Variants in DLEU7 observed in about 807,000 individuals in gnomAD.
The protein encoded by DLEU7 is deleted in lymphocytic leukemia 7, also known as leukemia-associated protein 7.
In DLEU7, 17 loss-of-function variants were observed where a neutral mutation model predicts 16.0. The ratio of observed to expected loss-of-function variants is 1.06; its 90% CI spans 0.73 to 1.59. The LOEUF is 1.59. DLEU7 is among the 40% of genes most tolerant of loss of function. The probability of loss-of-function intolerance (pLI) is 0.00; values close to 1 mark genes in which losing one functional copy is unlikely to be tolerated. For missense variants in DLEU7, 308 were observed against 314.9 expected, an observed-to-expected ratio of 0.98 and a Z score of 0.17; for synonymous variants, 113 against 139.8, an observed-to-expected ratio of 0.81 and a Z score of 1.35.
At chr13:50,730,806 A>G (rs1873891951) in intron 1 of DLEU7, among the ~76,000 whole-genome samples, 1 of 152,188 alleles carries the variant, frequency 6.6e-6, no homozygotes, top group Admixed American at 6.5e-5. Flanking sequence ...AGATAAAAAA[A>G]GATGGAGCAA....
chr13:50,757,716 C>T (rs189859122), intron 1 of DLEU7, among the ~76,000 whole-genome samples: 1 of 152,306 alleles, frequency 6.6e-6, no homozygotes, highest in Admixed American at 6.5e-5. Flanking sequence ...AAATGTTTCT[C>T]TTTCTAAATG....
At chr13:50,741,460 A>G (rs1713390365) in intron 1 of DLEU7, among the ~76,000 whole-genome samples, 2 of 152,170 alleles carry the variant, frequency 1.3e-5, no homozygotes, top group African/African-American at 4.8e-5. Flanking sequence ...GGAATGTGCA[A>G]TTCATCAAGC....
chr13:50,843,133 T>G lies in DLEU7; in HGVS notation c.459+55A>C. On this transcript the variant is annotated intron_variant, in intron 1 of 1. Transcript: ENST00000504404. The surrounding 1 kb of genome is among the most constrained non-coding windows in gnomAD (Gnocchi z 5.7). ...ATCGCCATCCCAGCAGCCCCACCCT[T>G]GGAGGATGGGAGGTTACCCTGCACG... The G allele has an allele frequency of 6.7e-7, 1 of 1,486,708 alleles. No homozygotes were observed. Among genetic ancestry groups the G allele is most frequent in the South Asian group, 1.2e-5 (1 of 81,070 alleles). 92.1% of individuals were successfully genotyped at this position (1,486,708 alleles called of 1,614,324 possible).
chr13:50,745,534 G>A (rs375960481), intron 1 of DLEU7, among the ~76,000 whole-genome samples: 150 of 152,138 alleles, frequency 9.9e-4, no homozygotes, highest in African/African-American at 3.4e-3. Flanking sequence ...TACACTTAGA[G>A]GTAGTAAATT....
chr13:50,826,453 T>C (rs1262030512), intron 1 of DLEU7, among the ~76,000 whole-genome samples: 1 of 151,978 alleles, frequency 6.6e-6, no homozygotes, highest in Non-Finnish European at 1.5e-5. Flanking sequence ...ATTAAATATA[T>C]ATAAAGTGAG....
chr13:50,815,050 A>C (rs1425411837), intron 1 of DLEU7, among the ~76,000 whole-genome samples: 4 of 152,062 alleles, frequency 2.6e-5, no homozygotes, highest in African/African-American at 7.2e-5. Flanking sequence ...TATCTAGACA[A>C]ATATTAAAGT....
intron 1 of DLEU7, among the ~76,000 whole-genome samples, chr13:50,794,395 G>A (rs1418543566): frequency 6.6e-6 from 1 of 151,796 alleles, no homozygotes; most frequent in Non-Finnish European, 1.5e-5. Flanking sequence ...GCAGGATTAT[G>A]TCCTCCCATT....
intron 1 of DLEU7, among the ~76,000 whole-genome samples, chr13:50,798,347 C>T (rs1201570971): frequency 6.6e-6 from 1 of 152,196 alleles, no homozygotes; most frequent in Non-Finnish European, 1.5e-5. Context: ...AAAAATTAAA[C>T]TTTTAATATT....
chr13:50,792,979 C>T (rs1427418518), intron 1 of DLEU7, among the ~76,000 whole-genome samples: 1 of 151,780 alleles, frequency 6.6e-6, no homozygotes, highest in Non-Finnish European at 1.5e-5. Context: ...CATCCAAGTA[C>T]TGAATATAAT....
intron 1 of DLEU7, among the ~76,000 whole-genome samples, chr13:50,772,397 C>G (rs558707655): frequency 1.1e-4 from 16 of 152,186 alleles, no homozygotes; most frequent in Non-Finnish European, 1.9e-4. Context: ...TTTGCAGTGG[C>G]TGATACCAGT....
intron 1 of DLEU7, among the ~76,000 whole-genome samples, chr13:50,771,601 T>C (rs1177886292): frequency 7.2e-5 from 11 of 152,242 alleles, no homozygotes. Flanking sequence ...TCCTGAGTTC[T>C]AGTTTGATTG....
At chr13:50,782,321 G>T (rs2137766290) in intron 1 of DLEU7, among the ~76,000 whole-genome samples, 1 of 152,328 alleles carries the variant, frequency 6.6e-6, no homozygotes, top group South Asian at 2.1e-4. Context: ...ATGTGCATAT[G>T]TTGTGTCTTT....
At chr13:50,790,080 G>A (rs766351063) in intron 1 of DLEU7, among the ~76,000 whole-genome samples, 2 of 151,870 alleles carry the variant, frequency 1.3e-5, no homozygotes, top group South Asian at 2.1e-4. Context: ...TTACAGGCAC[G>A]TGGCACCATG....
chr13:50,735,234 G>A (rs1874029248), intron 1 of DLEU7, among the ~76,000 whole-genome samples: 1 of 152,070 alleles, frequency 6.6e-6, no homozygotes, highest in Admixed American at 6.5e-5. Context: ...TCAAACAATG[G>A]TAGAGCAGTT....
At chr13:50,757,260 T>C (rs1874791024) in intron 1 of DLEU7, among the ~76,000 whole-genome samples, 1 of 152,190 alleles carries the variant, frequency 6.6e-6, no homozygotes, top group Admixed American at 6.5e-5. Context: ...GATCTTTTGT[T>C]GTTGTTGTTT....
rs768150795 is a variant in DLEU7, at chr13:50,726,362, T to G, written c.460-13122A>C. On this transcript the variant is annotated intron_variant, in intron 1 of 1. Transcript: ENST00000400393. This position sits in a 1 kb window ranked among gnomAD's most constrained non-coding sequence, Gnocchi z 4.0. Reference sequence around the variant, plus strand: ...AGTTTACTTCTCCAACTTCAACAGCTTCTACCCAAATCCCCCTGGGAACCA... The same window carrying G: ...AGTTTACTTCTCCAACTTCAACAGCGTCTACCCAAATCCCCCTGGGAACCA... 6.6e-6 allele frequency among the ~76,000 whole-genome samples: 1 copy of G among 150,826 alleles called. No individual in the cohort carries two copies. Among genetic ancestry groups the G allele is most frequent in the Non-Finnish European group, 1.5e-5 (1 of 67,708 alleles).
intron 1 of DLEU7, among the ~76,000 whole-genome samples, chr13:50,838,299 A>G (rs1877537512): frequency 6.6e-6 from 1 of 152,220 alleles, no homozygotes; most frequent in African/African-American, 2.4e-5. Context: ...TTCATCTGCA[A>G]GGGCAAAAAC....
rs75302211 is a variant in DLEU7, at chr13:50,727,202, C to T, written c.460-13962G>A. 1.6e-3 allele frequency among the ~76,000 whole-genome samples: 243 copies of T among 147,506 alleles called. 3 individuals are homozygous for T. The East Asian group carries it at 0.04, about 24-fold the overall frequency. ...CAAAAAAAGAATAAGAAGTTCTGTA[C>T]GCTCTTGCATACGTGTGTGTGTGTG... is the stretch of plus-strand genomic sequence containing the variant. On this transcript the variant is annotated intron_variant, in intron 1 of 1. Transcript: ENST00000400393.
chr13:50,764,122 C>T (rs533500851), intron 1 of DLEU7, among the ~76,000 whole-genome samples: 2 of 152,294 alleles, frequency 1.3e-5, no homozygotes, highest in East Asian at 1.9e-4. Context: ...TCAGCACTGT[C>T]GCGCTCTGTG....
Sources: allele counts gnomAD v4.1 joint callset (sites outside exome capture counted in the v4.1 genomes callset), GRCh38; gene constraint gnomAD v4.1.1; non-coding constraint Gnocchi (gnomAD v3.1); transcripts MANE v1.5; gene names NCBI Gene and HGNC (gene_info 2026-07-23, HGNC 2026-07-21).